DNAH11: variants seen among roughly 807,000 people sequenced by gnomAD.
The protein encoded by DNAH11 is axonemal beta dynein heavy chain 11.
A neutral mutation model predicts 526.0 loss-of-function variants in DNAH11; 442 were observed. That is an observed-to-expected ratio of 0.84 (90% CI 0.78 to 0.91). The LOEUF is 0.91. Ranked by LOEUF, DNAH11 falls within the 40% of genes least tolerant of loss-of-function variation. DNAH11 has a pLI of 0.00. For synonymous variants in DNAH11, 2,461 were observed against 1,935.9 expected (o/e 1.27, Z -7.12); for missense variants, 6,989 against 5,448.7 (o/e 1.28, Z -8.90).
chr7:21,873,908 A>T (rs1783598209), intron 74 of DNAH11, among the ~76,000 whole-genome samples: 1 of 143,328 alleles, frequency 7.0e-6, no homozygotes, highest in African/African-American at 2.6e-5. Context: ...CTCCTGCCTC[A>T]GCCTCCTGAG....
chr7:21,678,926 C>G (rs951883438), intron 30 of DNAH11, among the ~76,000 whole-genome samples: 12 of 152,116 alleles, frequency 7.9e-5, no homozygotes, highest in African/African-American at 2.7e-4. Flanking sequence ...GATATGTGCA[C>G]TCCCGTGTTC....
intron 29 of DNAH11, among the ~76,000 whole-genome samples, chr7:21,656,833 GAGAAGC>G (rs1468552264): frequency 6.6e-6 from 1 of 152,142 alleles, no homozygotes; most frequent in African/African-American, 2.4e-5. Context: ...CCAAATGAAG[GAGAAGC>G]AGATGGTGGA....
In DNAH11 at chr7:21,821,413, C is replaced by T. The variant is rs768097897; in HGVS notation, c.10691+3074C>T. 3.9e-5 allele frequency among the ~76,000 whole-genome samples: 6 copies of T among 152,250 alleles called. No individual in the cohort carries two copies. The South Asian group carries it at 1.0e-3, about 26-fold the overall frequency. On this transcript the variant is annotated intron_variant, in intron 65 of 81. Transcript: ENST00000409508. ...TGTGATTATCTAGGGAGACTCTGTA[C>T]AGCCAGAAAAACAGAGGGTACCCTG...
Position 21,867,867 on chromosome 7 carries a change from TAG to T in DNAH11, c.11702_11703del (p.Glu3901GlyfsTer17). On this transcript the variant is annotated frameshift_variant, in exon 72 of 82. Coordinates refer to ENST00000409508, the MANE Select transcript of DNAH11 (RefSeq NM_001277115.2). LOFTEE classifies it high-confidence loss of function. ...ATTCTTGTTTTTTATAGAAATTTTG[TAG>T]AGGAAAAACTGGGTGCGAAGTATGT... is the stretch of plus-strand genomic sequence containing the variant. 1 of 1,571,182 alleles carries T rather than the reference TAG, an allele frequency of 6.4e-7. No homozygotes were observed. The highest frequency in any genetic ancestry group is 2.3e-5 in the East Asian group (1 of 43,074).
intron 18 of DNAH11, among the ~76,000 whole-genome samples, chr7:21,602,526 T>C (rs377727160): frequency 7.9e-5 from 12 of 152,136 alleles, no homozygotes; most frequent in African/African-American, 1.7e-4. Flanking sequence ...ATTTAGATTC[T>C]TTTTCTATGC....
intron 55 of DNAH11, among the ~76,000 whole-genome samples, chr7:21,766,545 TA>T (rs1360422013): frequency 2.0e-5 from 3 of 152,204 alleles, no homozygotes; most frequent in African/African-American, 7.2e-5. Flanking sequence ...GCCCCACCGT[TA>T]CCCAAAAGGC....
At chr7:21,777,626 G>A (rs1270670210) in intron 56 of DNAH11, among the ~76,000 whole-genome samples, 2 of 152,134 alleles carry the variant, frequency 1.3e-5, no homozygotes, top group South Asian at 4.1e-4. Flanking sequence ...GGCGTGTAGT[G>A]ATATGGTGGT....
Position 21,635,993 on chromosome 7 carries a change from A to G in DNAH11, c.4623A>G (p.Arg1541=). Residue 1541 remains arginine, a synonymous_variant, in exon 26 of 82, where the codon CGA becomes CGG. Transcript: ENST00000409508. The part of the protein sequence containing the change: ...LVIFTWMEVQ[R]TWSHLESIFV... ...TCTTCACTTGGATGGAAGTCCAGCGAACTTGGTCTCACCTGGAAAGCATTT... is the reference window on the plus strand; with the variant it reads ...TCTTCACTTGGATGGAAGTCCAGCGGACTTGGTCTCACCTGGAAAGCATTT... 1 of 1,613,796 alleles carries G rather than the reference A, an allele frequency of 6.2e-7. No homozygotes were observed. The highest frequency in any genetic ancestry group is 8.5e-7 in the Non-Finnish European group (1 of 1,179,800).
intron 74 of DNAH11, among the ~76,000 whole-genome samples, chr7:21,879,583 A>AT (rs1380320648): frequency 1.3e-5 from 2 of 152,166 alleles, no homozygotes; most frequent in African/African-American, 2.4e-5. Flanking sequence ...TGTCGTGGTG[A>AT]TTTTATTAGT....
At position 21,819,415 on chromosome 7, in the gene DNAH11, C is replaced by G. The variant is rs941671689; in HGVS notation, c.10691+1076C>G. Among the ~76,000 whole-genome samples the G allele has an allele frequency of 4.6e-5, 7 of 152,104 alleles. No homozygotes were observed. In the East Asian group the frequency reaches 1.4e-3, roughly 29 times the overall value. ...GACAACTTATAATTGTTTAATAAAC[C>G]AAAATTTACCCAGGCACACATTTAG... On this transcript the variant is annotated intron_variant, in intron 65 of 81. Coordinates refer to ENST00000409508, the MANE Select transcript of DNAH11 (RefSeq NM_001277115.2).
intron 68 of DNAH11, among the ~76,000 whole-genome samples, chr7:21,859,302 TG>T (rs1782968828): frequency 6.6e-6 from 1 of 152,058 alleles, no homozygotes; most frequent in Non-Finnish European, 1.5e-5. Context: ...TTGGTAGAGA[TG>T]GGGTTTCACC....
chr7:21,814,772 A>G (rs529820661), intron 63 of DNAH11, among the ~76,000 whole-genome samples: 38 of 152,152 alleles, frequency 2.5e-4, no homozygotes, highest in Middle Eastern at 3.4e-3. Context: ...AAAATATCAT[A>G]TGGCGCTTGC....
chr7:21,802,834 C>A (rs964190867), intron 62 of DNAH11, among the ~76,000 whole-genome samples: 1 of 151,608 alleles, frequency 6.6e-6, no homozygotes, highest in Non-Finnish European at 1.5e-5. Context: ...AGGGGCTGGA[C>A]AAGGGTGTGG....
chr7:21,682,081 A>G (rs1302117758), intron 31 of DNAH11, among the ~76,000 whole-genome samples: 2 of 152,162 alleles, frequency 1.3e-5, no homozygotes, highest in African/African-American at 4.8e-5. Context: ...TGTGCCTTTG[A>G]TACATTTCCC....
intron 65 of DNAH11, among the ~76,000 whole-genome samples, chr7:21,827,334 G>T (rs1323649036): frequency 6.6e-6 from 1 of 152,058 alleles, no homozygotes; most frequent in Non-Finnish European, 1.5e-5. Flanking sequence ...AAATTTACTG[G>T]CTTACATATT....
At chr7:21,813,542 A>C (rs911516429) in intron 63 of DNAH11, among the ~76,000 whole-genome samples, 1 of 152,232 alleles carries the variant, frequency 6.6e-6, no homozygotes, top group African/African-American at 2.4e-5. Context: ...TTACCTCCAC[A>C]GGAAATTACC....
intron 79 of DNAH11, among the ~76,000 whole-genome samples, chr7:21,896,264 T>C (rs1297138690): frequency 1.3e-5 from 2 of 152,358 alleles, no homozygotes; most frequent in East Asian, 1.9e-4. Flanking sequence ...GTATAAAATA[T>C]AGAGCAGGGC....
Position 21,765,487 on chromosome 7 carries a change from A to G in DNAH11, c.9000A>G (p.Pro3000=). 1.9e-6 allele frequency: 3 copies of G among 1,613,876 alleles called. No homozygotes were observed. Among genetic ancestry groups the G allele is most frequent in the Non-Finnish European group, 2.5e-6 (3 of 1,179,818 alleles). The change falls in exon 55 of 82, where the codon CCA becomes CCG. Residue 3000 remains proline, a synonymous_variant. Coordinates refer to ENST00000409508, the MANE Select transcript of DNAH11 (RefSeq NM_001277115.2). ...TGAGAGTTAGAGCTCGGAAGTTCCCAGCCATAGTTAACTGCACGGCTATTG... is the reference window on the plus strand; with the variant it reads ...TGAGAGTTAGAGCTCGGAAGTTCCCGGCCATAGTTAACTGCACGGCTATTG... The part of the protein sequence containing the change: ...RTLRVRARKF[P]AIVNCTAIDW...
chr7:21,796,779 A>G (rs1487908469), intron 61 of DNAH11, among the ~76,000 whole-genome samples: 1 of 152,224 alleles, frequency 6.6e-6, no homozygotes, highest in Admixed American at 6.5e-5. Flanking sequence ...TTCCTCACCT[A>G]TAAAATGAAA....
Sources: allele counts gnomAD v4.1 joint callset (sites outside exome capture counted in the v4.1 genomes callset), GRCh38; gene constraint gnomAD v4.1.1; transcripts MANE v1.5; gene names NCBI Gene and HGNC (gene_info 2026-07-23, HGNC 2026-07-21).